The following ZNF536 variants were observed in gnomAD, a reference collection of about 807,000 sequenced individuals.
ZNF536 encodes the protein zinc finger protein 536.
ZNF536 carries 13 observed loss-of-function variants against 84.5 expected under a neutral mutation model. The ratio of observed to expected loss-of-function variants is 0.15; its 90% CI spans 0.10 to 0.24. The LOEUF is 0.24. Ranked by LOEUF, ZNF536 falls within the 10% of genes least tolerant of loss-of-function variation. The pLI, the probability that ZNF536 is intolerant of heterozygous loss-of-function variation, is 1.00. For missense variants in ZNF536, 1,536 were observed against 1,747.5 expected (o/e 0.88, Z 2.16); for synonymous variants, 811 against 742.5 (o/e 1.09, Z -1.50).
chr19:30,394,745 T>C (rs2049744257), intron 1 of ZNF536, among the ~76,000 whole-genome samples: 1 of 152,184 alleles, frequency 6.6e-6, no homozygotes, highest in African/African-American at 2.4e-5. Context: ...AGAATCACCA[T>C]TTATGAACTG....
chr19:30,315,714 C>T lies in ZNF536; in HGVS notation c.-120+31573C>T, dbSNP rs193108641. Among the ~76,000 whole-genome samples, 74 of 152,310 alleles carry T rather than the reference C, an allele frequency of 4.9e-4. 1 individual carries two copies. The highest frequency in any genetic ancestry group is 2.9e-5 in the Non-Finnish European group (2 of 68,024). On this transcript the variant is annotated intron_variant, in intron 2 of 5. Transcript: ENST00000585628. ...TTCAACTCTACTTCCAAATCCTTCT[C>T]CCATCGATGGAGAAAATTCCTATAA...
intron 1 of ZNF536, among the ~76,000 whole-genome samples, chr19:30,396,001 T>C (rs2049800417): frequency 6.6e-6 from 1 of 152,186 alleles, no homozygotes; most frequent in South Asian, 2.1e-4. Flanking sequence ...GAAGTCCATG[T>C]TTACATTAGG....
intron 2 of ZNF536, among the ~76,000 whole-genome samples, chr19:30,341,453 G>A (rs1399943125): frequency 6.6e-6 from 1 of 152,154 alleles, no homozygotes; most frequent in African/African-American, 2.4e-5. Flanking sequence ...CAGGGCCTTA[G>A]AACTTCCATC....
chr19:30,485,293 G>T (rs896104822), intron 2 of ZNF536, among the ~76,000 whole-genome samples: 1 of 152,058 alleles, frequency 6.6e-6, no homozygotes, highest in Non-Finnish European at 1.5e-5. Context: ...TTTGGTAACA[G>T]CTTTATTGAG....
At chr19:30,440,361 CT>C (rs1262835269) in intron 1 of ZNF536, among the ~76,000 whole-genome samples, 1 of 152,102 alleles carries the variant, frequency 6.6e-6, no homozygotes, top group African/African-American at 2.4e-5. Flanking sequence ...TGCTCATGGA[CT>C]TGTGCGAAGG....
intron 2 of ZNF536, among the ~76,000 whole-genome samples, chr19:30,457,320 C>T (rs974836705): frequency 2.6e-5 from 4 of 152,228 alleles, no homozygotes; most frequent in African/African-American, 9.6e-5. Flanking sequence ...CTGGAGGAAG[C>T]AGACAAGTCT....
At chr19:30,297,957 T>G (rs1291290478) in intron 2 of ZNF536, among the ~76,000 whole-genome samples, 1 of 149,110 alleles carries the variant, frequency 6.7e-6, no homozygotes, top group African/African-American at 2.5e-5. Flanking sequence ...CTTGGCTCAC[T>G]GCAGTCTCTG....
intron 1 of ZNF536, among the ~76,000 whole-genome samples, chr19:30,672,936 C>T (rs1306508817): frequency 2.0e-5 from 3 of 152,284 alleles, no homozygotes; most frequent in Non-Finnish European, 4.4e-5. Context: ...TAAGCCAGCC[C>T]CTATCCTGTC....
At chr19:30,530,073 A>G (rs2044741855) in intron 2 of ZNF536, among the ~76,000 whole-genome samples, 1 of 152,136 alleles carries the variant, frequency 6.6e-6, no homozygotes, top group East Asian at 1.9e-4. Context: ...GGGACATCTC[A>G]GTCTCTAGGA....
chr19:30,344,045 T>C (rs1482019805), intron 2 of ZNF536, among the ~76,000 whole-genome samples: 1 of 151,374 alleles, frequency 6.6e-6, no homozygotes, highest in Non-Finnish European at 1.5e-5. Context: ...CCAGGGAAGG[T>C]AGTTGAAGGG....
intron 1 of ZNF536, among the ~76,000 whole-genome samples, chr19:30,628,515 G>T (rs1213815297): frequency 1.0e-4 from 15 of 144,030 alleles, no homozygotes; most frequent in African/African-American, 3.6e-4. Context: ...TGCAAGCTCC[G>T]CCCCCCGGGT....
intron 1 of ZNF536, among the ~76,000 whole-genome samples, chr19:30,403,941 G>A (rs1205478866): frequency 6.6e-6 from 1 of 151,922 alleles, no homozygotes; most frequent in Non-Finnish European, 1.5e-5. Context: ...AAGAACTCAT[G>A]GGAATTGAAG....
chr19:30,242,580 TC>T (rs1159724343), intron 1 of ZNF536, among the ~76,000 whole-genome samples: 1 of 152,116 alleles, frequency 6.6e-6, no homozygotes, highest in African/African-American at 2.4e-5. Flanking sequence ...CAAAGCAGGG[TC>T]CCTGCCCCCA....
intron 1 of ZNF536, among the ~76,000 whole-genome samples, chr19:30,584,394 G>C (rs2047026045): frequency 6.6e-6 from 1 of 152,226 alleles, no homozygotes; most frequent in Non-Finnish European, 1.5e-5. Flanking sequence ...GGTGCTGTGT[G>C]TTTAGTCTGG....
intron 2 of ZNF536, among the ~76,000 whole-genome samples, chr19:30,533,143 A>T (rs897169140): frequency 6.6e-6 from 1 of 152,220 alleles, no homozygotes; most frequent in South Asian, 2.1e-4. Flanking sequence ...GGGTGATGAT[A>T]TGGTCGTACA....
At chr19:30,386,160 C>T (rs1422981105) in intron 1 of ZNF536, among the ~76,000 whole-genome samples, 1 of 152,146 alleles carries the variant, frequency 6.6e-6, no homozygotes, top group Non-Finnish European at 1.5e-5. Context: ...TCTTAGAAAG[C>T]CAGCCACTTT....
chr19:30,693,184 C>T (rs575954002), intron 1 of ZNF536, among the ~76,000 whole-genome samples: 1 of 152,294 alleles, frequency 6.6e-6, no homozygotes, highest in Admixed American at 6.5e-5. Context: ...AACCTCATCT[C>T]GCATGGGACA....
chr19:30,271,512 A>C (rs572735410), intron 1 of ZNF536, among the ~76,000 whole-genome samples: 2 of 152,044 alleles, frequency 1.3e-5, no homozygotes, highest in Admixed American at 6.5e-5. Context: ...TTAGGGGTCA[A>C]GTTCACCAGG....
downstream of ZNF536, among the ~76,000 whole-genome samples, chr19:30,560,886 G>A (rs1026215855): frequency 1.3e-5 from 2 of 152,234 alleles, no homozygotes; most frequent in African/African-American, 4.8e-5. Flanking sequence ...TTGTCTCTGC[G>A]TAAGCAGATT....
Sources: gnomAD v4.1 joint callset for allele counts (sites outside exome capture counted in the v4.1 genomes callset) on GRCh38, gnomAD v4.1.1 for gene constraint, MANE v1.5 for transcripts, NCBI Gene and HGNC (gene_info 2026-07-23, HGNC 2026-07-21) for gene names.